FH: variants seen among roughly 807,000 people sequenced by gnomAD.
The protein encoded by FH is fumarate hydratase, mitochondrial.
Under a neutral mutation model 49.4 loss-of-function variants are expected in FH, and 22 were observed. The ratio of observed to expected loss-of-function variants is 0.45; its 90% confidence interval spans 0.32 to 0.64. FH has a LOEUF of 0.64. Among genes scored for constraint, FH ranks in the 30% least tolerant of loss-of-function variants. The pLI is 0.05. For missense variants in FH, 526 were observed against 641.5 expected (o/e 0.82, Z 1.95); for synonymous variants, 208 against 223.0 (o/e 0.93, Z 0.60).
chr1:241,500,663 T>G, intron 8 of FH, 73 bp from the exon 9 acceptor site: 1 of 1,569,548 alleles, frequency 6.4e-7, no homozygotes, highest in Non-Finnish European at 8.7e-7. Flanking sequence ...AACATGTTTT[T>G]TGTCCAATAA....
intron 9 of FH, among the ~76,000 whole-genome samples, chr1:241,499,011 G>A (rs1445044310): frequency 6.6e-6 from 1 of 151,732 alleles, no homozygotes; most frequent in East Asian, 1.9e-4. Flanking sequence ...TTACTGAAAA[G>A]GGCATCTTTC....
In FH at chr1:241,497,927, A is replaced by T. The variant is rs786202199; in HGVS notation, c.1434T>A (p.Asn478Lys). 4.3e-6 allele frequency: 7 copies of T among 1,613,966 alleles called. No homozygotes were observed. The East Asian group carries it at 1.3e-4, about 31-fold the overall frequency. ...TAGCAGTTTCCTTTAAGGTTGATCC[A>T]TTTTTGTGTGCTGTCTTAGCAATCT... Reference protein sequence around the residue: ...AAKIAKTAHKNGSTLKETAIE... With the variant: ...AAKIAKTAHKKGSTLKETAIE... The change falls in exon 10 of 10, where the codon AAT becomes AAA. Residue 478 changes from asparagine (N) to lysine (K), a missense_variant. Asn to Lys is a moderately conservative substitution (Grantham distance 94). Coordinates refer to ENST00000366560, the MANE Select transcript of FH (RefSeq NM_000143.4).
In FH at chr1:241,508,644, G is replaced by A. The variant is rs587781682; in HGVS notation, c.697C>T (p.Arg233Cys). Residue 233 changes from arginine (R) to cysteine (C), a missense_variant, in exon 5 of 10, where the codon CGT becomes TGT. Arg to Cys is a radical substitution (Grantham distance 180). Coordinates refer to ENST00000366560, the MANE Select transcript of FH (RefSeq NM_000143.4). ...KEFAQIIKIG[R>C]THTQDAVPLT... Reference sequence around the variant, plus strand: ...GGAACAGCATCCTGAGTATGAGTACGTCCAATCTTGATGATCTGTGCAAAC... The same window carrying A: ...GGAACAGCATCCTGAGTATGAGTACATCCAATCTTGATGATCTGTGCAAAC... 6 of 1,613,696 alleles carry A rather than the reference G, an allele frequency of 3.7e-6. No individual in the cohort carries two copies. Among genetic ancestry groups the A allele is most frequent in the African/African-American group, 1.3e-5 (1 of 74,894 alleles).
intron 8 of FH, 53 bp from the exon 9 acceptor site, chr1:241,500,643 T>C: frequency 2.0e-6 from 1 of 498,506 alleles, no homozygotes; most frequent in Non-Finnish European, 3.3e-6. Context: ...GAGAGAGACA[T>C]TACTAAGGCA....
intron 7 of FH, among the ~76,000 whole-genome samples, chr1:241,503,066 C>G (rs1659823460): frequency 6.6e-6 from 1 of 152,130 alleles, no homozygotes; most frequent in Admixed American, 6.5e-5. Context: ...CTCTGGAACC[C>G]CACTACCCTG....
intron 3 of FH, 60 bp downstream of exon 3, chr1:241,513,543 G>C: frequency 8.2e-7 from 1 of 1,216,980 alleles, no homozygotes; most frequent in South Asian, 1.2e-5. Flanking sequence ...AGAGCATATC[G>C]TCATCCAGAG....
In FH at chr1:241,500,420, A is replaced by G. The variant is rs376260044; in HGVS notation, c.1390+17T>C. On this transcript the variant is annotated intron_variant, in intron 9 of 9. Coordinates refer to ENST00000366560, the MANE Select transcript of FH (RefSeq NM_000143.4). ...ATTTTGCATTCAAAATGATATTATT[A>G]TTCCTTAAACACTTACCTATATGAG... The G allele has an allele frequency of 3.1e-6, 5 of 1,611,938 alleles. No individual in the cohort carries two copies. The highest frequency in any genetic ancestry group is 2.2e-5 in the East Asian group (1 of 44,856).
intron 4 of FH, among the ~76,000 whole-genome samples, chr1:241,511,184 G>C (rs1449358332): frequency 1.3e-5 from 2 of 152,152 alleles, no homozygotes; most frequent in East Asian, 3.9e-4. Context: ...CTCATGAACG[G>C]AATTAGTGTC....
chr1:241,504,156 C>T lies in FH; in HGVS notation c.994G>A (p.Ala332Thr), dbSNP rs1157768121. The T allele has an allele frequency of 8.7e-6, 14 of 1,614,032 alleles. No individual in the cohort carries two copies. Among genetic ancestry groups the T allele is most frequent in the Admixed American group, 8.3e-5 (5 of 60,004 alleles). Residue 332 changes from alanine (A) to threonine (T), a missense_variant, in exon 7 of 10, where the codon GCC becomes ACC. Ala to Thr is a moderately conservative substitution (Grantham distance 58, BLOSUM62 0). This residue lies in a region of FH where 383 missense variants were observed against 514.0 expected (regional missense o/e 0.75). Transcript: ENST00000366560. The part of the protein sequence containing the change: ...VELSGAMNTT[A>T]CSLMKIANDI... The stretch of plus-strand genomic sequence containing the variant: ...TTTGCTATCTTCATCAGACTGCAGG[C>T]AGTAGTGTTCATGGCTCCACTGAGC...
chr1:241,510,127 G>A (rs978420662), intron 4 of FH, among the ~76,000 whole-genome samples: 5 of 152,214 alleles, frequency 3.3e-5, no homozygotes, highest in East Asian at 3.9e-4. Flanking sequence ...TACAATGAAC[G>A]TGTATTAAAA....
In FH at chr1:241,519,716, G is replaced by A. The variant is rs202166344; in HGVS notation, c.7C>T (p.Arg3Ter). MY[R>*]ALRLLARSRP... ...GAGCGCGCGAGGAGCCGAAGTGCTC[G>A]GTACATGGTGCTGAGGGAGCTTGGG... The change falls in exon 1 of 10, where the codon CGA (arginine) becomes TGA (stop). Residue 3 changes from arginine (R) to a stop codon, truncating the protein, a stop_gained. Coordinates refer to ENST00000366560, the MANE Select transcript of FH (RefSeq NM_000143.4). LOFTEE classifies it high-confidence loss of function. The A allele has an allele frequency of 1.9e-6, 3 of 1,543,802 alleles. No individual in the cohort carries two copies. Among genetic ancestry groups the A allele is most frequent in the Non-Finnish European group, 1.7e-6 (2 of 1,143,334 alleles).
chr1:241,497,961 T>C lies in FH; in HGVS notation c.1400A>G (p.Lys467Arg). Residue 467 changes from lysine to arginine, a missense_variant, in exon 10 of 10, where the codon AAG becomes AGG. By Grantham distance (26) the Lys-to-Arg change is conservative. Around this residue, in one of 2 missense-constraint regions of FH, gnomAD observed 383 missense variants for 514.0 expected, o/e 0.75. Coordinates refer to ENST00000366560, the MANE Select transcript of FH (RefSeq NM_000143.4). ...TGCTGTCTTAGCAATCTTTGCTGCC[T>C]TGTCATACCCTGAAGAAAAAATAAA... ...TALNPHIGYDKAAKIAKTAHK... is the reference protein window; with the variant it reads ...TALNPHIGYDRAAKIAKTAHK... 3 of 1,613,940 alleles carry C rather than the reference T, an allele frequency of 1.9e-6. No individual in the cohort carries two copies.
In FH at chr1:241,500,568, G is replaced by A. The variant is rs766377516; in HGVS notation, c.1259C>T (p.Ala420Val). ...AACTGAAGCATCCCCCAGCAGCCTG[G>A]CTGAGTGTAACACATTTTTAATCTT... ...PMMIKNVLHS[A>V]RLLGDASVSF... The change falls in exon 9 of 10, where the codon GCC (alanine) becomes GTC (valine). Residue 420 changes from alanine (A) to valine (V), a missense_variant. By Grantham distance (64) the Ala-to-Val change is moderately conservative. Transcript: ENST00000366560. The A allele has an allele frequency of 1.9e-6, 3 of 1,592,104 alleles. No homozygotes were observed. The highest frequency in any genetic ancestry group is 1.7e-6 in the Non-Finnish European group (2 of 1,168,908).
At chr1:241,513,882 A>G (rs2147923235) in intron 2 of FH, among the ~76,000 whole-genome samples, 169 bp from the exon 3 acceptor site, 1 of 152,326 alleles carries the variant, frequency 6.6e-6, no homozygotes, top group South Asian at 2.1e-4. Context: ...GAATTCATGA[A>G]CCAAGAATCA....
Position 241,508,663 on chromosome 1 carries a change from T to C in FH, c.678A>G (p.Ala226=), listed in dbSNP as rs757078832. 6.2e-7 allele frequency: 1 copy of C among 1,613,926 alleles called. No individual in the cohort carries two copies. The highest frequency in any genetic ancestry group is 8.5e-7 in the Non-Finnish European group (1 of 1,179,810). ...GAGTACGTCCAATCTTGATGATCTG[T>C]GCAAACTCTTTGGATTTTGCATCAA... ...DALDAKSKEF[A]QIIKIGRTHT... Residue 226 remains alanine (A), a synonymous_variant, in exon 5 of 10, where the codon GCA becomes GCG. Transcript: ENST00000366560.
intron 5 of FH, 65 bp from the exon 6 acceptor site, chr1:241,506,233 T>G: frequency 8.1e-7 from 1 of 1,231,634 alleles, no homozygotes; most frequent in Non-Finnish European, 1.2e-6. Context: ...TTACTCTAAC[T>G]GCATTAAATA....
In FH at chr1:241,502,491, G is replaced by T; in HGVS notation, c.1188C>A (p.Val396=). The change falls in exon 8 of 10, where the codon GTC becomes GTA. Residue 396 remains valine, a synonymous_variant. Coordinates refer to ENST00000366560, the MANE Select transcript of FH (RefSeq NM_000143.4). ...QVMGNHVAVT[V]GGSNGHFELN... The stretch of plus-strand genomic sequence containing the variant: ...ACTCAAAATGTCCATTGCTGCCTCC[G>T]ACAGTGACAGCAACATGGTTCCCCA... 6.2e-7 allele frequency: 1 copy of T among 1,614,058 alleles called. No individual in the cohort carries two copies. The highest frequency in any genetic ancestry group is 8.5e-7 in the Non-Finnish European group (1 of 1,179,978).
chr1:241,511,821 T>C (rs1279506611), intron 4 of FH, 146 bp downstream of exon 4: 3 of 759,292 alleles, frequency 4.0e-6, no homozygotes, highest in South Asian at 1.7e-5. Context: ...AAAACCAAGA[T>C]TCCTTCAAGA....
At chr1:241,498,694 CATATATAT>C (rs56361117) in intron 9 of FH, among the ~76,000 whole-genome samples, 657 of 53,104 alleles carry the variant, frequency 0.012, 12 homozygotes, top group South Asian at 0.026. Context: ...GCTGTCTTAA[CATATATAT>C]ATATATATAT....
Sources: allele counts gnomAD v4.1 joint callset (sites outside exome capture counted in the v4.1 genomes callset), GRCh38; gene constraint gnomAD v4.1.1; regional missense constraint gnomAD v4.1.1; transcripts MANE v1.5; gene names NCBI Gene and HGNC (gene_info 2026-07-23, HGNC 2026-07-21).